ZNF468: variants seen among roughly 807,000 people sequenced by gnomAD.
ZNF468 encodes the protein zinc finger protein ZNF468.
A neutral mutation model predicts 7.2 loss-of-function variants in ZNF468; 8 were observed. The observed-to-expected ratio is 1.11, with a 90% CI of 0.65 to 2.01. The LOEUF is 2.01. Among genes scored for constraint, ZNF468 ranks in the 30% most tolerant of loss-of-function variants. The pLI, the probability that ZNF468 is intolerant of heterozygous loss-of-function variation, is 0.00. For missense variants in ZNF468, 608 were observed against 626.5 expected (o/e 0.97, Z 0.31); for synonymous variants, 218 against 214.4 (o/e 1.02, Z -0.15).
intron 3 of ZNF468, among the ~76,000 whole-genome samples, chr19:52,846,337 T>C (rs754450500): frequency 6.6e-5 from 10 of 152,060 alleles, no homozygotes; most frequent in Non-Finnish European, 1.2e-4. Context: ...GAAGCTGGGA[T>C]TACAGCCACC....
chr19:52,851,169 G>C (rs2063386908), intron 2 of ZNF468, among the ~76,000 whole-genome samples: 1 of 151,854 alleles, frequency 6.6e-6, no homozygotes, highest in Non-Finnish European at 1.5e-5. Context: ...CCAGCTACCT[G>C]AAAGGCTAAA....
chr19:52,847,421 G>C (rs1240012047), intron 3 of ZNF468, among the ~76,000 whole-genome samples: 1 of 106,886 alleles, frequency 9.4e-6, no homozygotes, highest in Non-Finnish European at 1.8e-5. Flanking sequence ...CCTGAGATAT[G>C]GCCTCATGGG....
At chr19:52,853,411 G>A (rs2063407022) in intron 2 of ZNF468, among the ~76,000 whole-genome samples, 1 of 152,138 alleles carries the variant, frequency 6.6e-6, no homozygotes, top group Non-Finnish European at 1.5e-5. Context: ...TGGTGGGGCT[G>A]GGCATGATGG....
At chr19:52,852,191 C>T (rs1435996360) in intron 2 of ZNF468, among the ~76,000 whole-genome samples, 2 of 151,752 alleles carry the variant, frequency 1.3e-5, no homozygotes, top group African/African-American at 4.8e-5. Flanking sequence ...CATGGTGAAA[C>T]TCTGTCTTTA....
Position 52,841,605 on chromosome 19 carries a change from AAG to A in ZNF468, c.687_688del (p.Leu230LysfsTer14), listed in dbSNP as rs1228468032. 6.2e-7 allele frequency: 1 copy of A among 1,614,030 alleles called. No individual in the cohort carries two copies. ...TAAGTGAATTATCTGATGTTTTTTT[AAG>A]AGTGAGCTGCAATTAAAGGATTTGA... On this transcript the variant is annotated frameshift_variant, in exon 4 of 4. Transcript: ENST00000595646. LOFTEE classifies it low-confidence loss of function (END_TRUNC).
At position 52,841,778 on chromosome 19, in the gene ZNF468, G is replaced by C; in HGVS notation, c.516C>G (p.Ser172=). 6.2e-7 allele frequency: 1 copy of C among 1,614,074 alleles called. No homozygotes were observed. The highest frequency in any genetic ancestry group is 8.5e-7 in the Non-Finnish European group (1 of 1,179,986). ...AAATTCTTTGGGATGTTGAAACTGA[G>C]GAAGCATTGTTGATAGACTTCTCAA... ...NQVEKSINNA[S]SVSTSQRICC... is the part of the protein sequence containing the mutation. The change falls in exon 4 of 4, where the codon TCC becomes TCG. Residue 172 remains serine (S), a synonymous_variant. Transcript: ENST00000595646.
rs1183113998 is a variant in ZNF468 at position 52,854,222 on chromosome 19, A to G, written c.15+36T>C. On this transcript the variant is annotated intron_variant, in intron 2 of 3. Coordinates refer to ENST00000595646, the MANE Select transcript of ZNF468 (RefSeq NM_001008801.2). Reference sequence around the variant, plus strand: ...CCAAGGCCCAGGGTATCTGAAAGGAAGGAGACAGAACAATCCACCGAGGAT... The same window carrying G: ...CCAAGGCCCAGGGTATCTGAAAGGAGGGAGACAGAACAATCCACCGAGGAT... The G allele has an allele frequency of 1.6e-5, 26 of 1,613,672 alleles. 1 individual carries two copies. Among genetic ancestry groups the G allele is most frequent in the Non-Finnish European group, 2.2e-5 (26 of 1,179,700 alleles).
At chr19:52,854,431 C>T in intron 1 of ZNF468, 86 bp from the exon 2 acceptor site, 4 of 1,358,272 alleles carry the variant, frequency 2.9e-6, no homozygotes, top group Non-Finnish European at 4.0e-6. Context: ...GAGACCTCAC[C>T]CTGGGAAATA....
chr19:52,848,672 T>G (rs941751449), intron 3 of ZNF468, among the ~76,000 whole-genome samples: 1 of 152,098 alleles, frequency 6.6e-6, no homozygotes, highest in African/African-American at 2.4e-5. Flanking sequence ...TTACTCAGCC[T>G]CTCTAGGAGC....
Position 52,840,731 on chromosome 19 carries a change from C to G in ZNF468, c.1563G>C (p.Lys521Asn). The G allele has an allele frequency of 1.9e-6, 3 of 1,613,198 alleles. No individual in the cohort carries two copies. Among genetic ancestry groups the G allele is most frequent in the Non-Finnish European group, 2.5e-6 (3 of 1,179,704 alleles). Residue 521 changes from lysine (K) to asparagine (N), a missense_variant, in exon 4 of 4, where the codon AAG becomes AAC. Transcript: ENST00000595646. ...TGCCACACTCATTACACTATTAAGG[C>G]TTCTCTCCACTATGAAGCCTATGAT... ...VYHHRLHSGE[K>N]P
Position 52,842,814 on chromosome 19 carries a change from C to CAAA in ZNF468, c.143-666_143-664dup, listed in dbSNP as rs60067060. Reference sequence around the variant, plus strand: ...CTTGGTGCAAAATGAGACTCCATCTCAAAAAAAAAAAAAAAAAAAAAAAAA... The same window carrying CAAA: ...CTTGGTGCAAAATGAGACTCCATCTCAAAAAAAAAAAAAAAAAAAAAAAAAAAA... On this transcript the variant is annotated intron_variant, in intron 3 of 3. Coordinates refer to ENST00000595646, the MANE Select transcript of ZNF468 (RefSeq NM_001008801.2). 3.0e-4 allele frequency among the ~76,000 whole-genome samples: 16 copies of CAAA among 52,942 alleles called. 1 individual carries two copies. The highest frequency in any genetic ancestry group is 8.1e-4 in the East Asian group (1 of 1,230). 34.7% of individuals were successfully genotyped at this position (52,942 alleles called of 152,430 possible).
intron 1 of ZNF468, among the ~76,000 whole-genome samples, chr19:52,856,502 A>T (rs1255628211): frequency 8.3e-6 from 1 of 119,942 alleles, no homozygotes; most frequent in African/African-American, 2.8e-5. Context: ...TCTCCCTGTT[A>T]AATTCTCTCT....
At chr19:52,855,396 T>C (rs1486623556) in intron 1 of ZNF468, among the ~76,000 whole-genome samples, 1 of 152,132 alleles carries the variant, frequency 6.6e-6, no homozygotes, top group African/African-American at 2.4e-5. Flanking sequence ...AGGAAGGATT[T>C]TGATGTTTGA....
intron 3 of ZNF468, among the ~76,000 whole-genome samples, chr19:52,843,597 T>C (rs1463470012): frequency 2.0e-5 from 3 of 152,140 alleles, no homozygotes; most frequent in African/African-American, 4.8e-5. Flanking sequence ...CGAACACTCA[T>C]ATATAAATTC....
At chr19:52,854,088 T>C (rs2063414998) in intron 2 of ZNF468, 170 bp downstream of exon 2, 4 of 1,534,454 alleles carry the variant, frequency 2.6e-6, no homozygotes, top group Admixed American at 4.0e-5. Context: ...TTCATGACAC[T>C]GGGTCACGAG....
At chr19:52,842,347 G>A (rs1282438924) in intron 3 of ZNF468, among the ~76,000 whole-genome samples, 196 bp from the exon 4 acceptor site, 1 of 152,078 alleles carries the variant, frequency 6.6e-6, no homozygotes, top group East Asian at 1.9e-4. Flanking sequence ...TCATTTCTAT[G>A]GAAGCCTATT....
Position 52,840,708 on chromosome 19 carries a change from C to T in ZNF468, c.*17G>A, listed in dbSNP as rs950109999. Reference sequence around the variant, plus strand: ...GGTTGAATTGTGATGGAAGGTCTTGCCACACTCATTACACTATTAAGGCTT... The same window carrying T: ...GGTTGAATTGTGATGGAAGGTCTTGTCACACTCATTACACTATTAAGGCTT... On this transcript the variant is annotated 3_prime_UTR_variant, in exon 4 of 4. Coordinates refer to ENST00000595646, the MANE Select transcript of ZNF468 (RefSeq NM_001008801.2). 1.2e-6 allele frequency: 2 copies of T among 1,613,078 alleles called. No homozygotes were observed. The highest frequency in any genetic ancestry group is 1.1e-5 in the South Asian group (1 of 91,038).
At chr19:52,847,521 G>A (rs2063350724) in intron 3 of ZNF468, among the ~76,000 whole-genome samples, 1 of 151,482 alleles carries the variant, frequency 6.6e-6, no homozygotes, top group African/African-American at 2.4e-5. Context: ...CTTTGCAGTT[G>A]AGATAAAAGG....
chr19:52,847,442 C>T (rs1683082764), intron 3 of ZNF468, among the ~76,000 whole-genome samples: 1 of 147,412 alleles, frequency 6.8e-6, no homozygotes, highest in South Asian at 2.2e-4. Context: ...AAAGGAAAGA[C>T]CTTACATCCC....
Sources: allele counts gnomAD v4.1 joint callset (sites outside exome capture counted in the v4.1 genomes callset), GRCh38; gene constraint gnomAD v4.1.1; transcripts MANE v1.5; gene names NCBI Gene and HGNC (gene_info 2026-07-23, HGNC 2026-07-21).